The following DGAT2 variants were observed in gnomAD, a reference collection of about 807,000 sequenced individuals.
The protein encoded by DGAT2 is diacylglycerol O-acyltransferase 2.
In DGAT2, 33 loss-of-function variants were observed where a neutral mutation model predicts 48.4. That is an observed-to-expected ratio of 0.68 (90% CI 0.52 to 0.91). The LOEUF (loss-of-function observed/expected upper bound fraction) is 0.91. Ranked by LOEUF, DGAT2 falls within the 40% of genes least tolerant of loss-of-function variation. The pLI, the probability that DGAT2 is intolerant of heterozygous loss-of-function variation, is 0.00. For missense variants in DGAT2, 446 were observed against 493.7 expected (o/e 0.90, Z 0.92); for synonymous variants, 191 against 194.1 (o/e 0.98, Z 0.13).
intron 4 of DGAT2, chr11:75,792,497 C>G (rs1945001584): frequency 6.6e-6 from 1 of 152,104 alleles, no homozygotes; most frequent in South Asian, 2.1e-4. Flanking sequence ...TCCTGTCCCA[C>G]CCCCTTTTCC....
At chr11:75,787,435 C>T (rs1243826664) in intron 2 of DGAT2, among the ~76,000 whole-genome samples, 1 of 152,228 alleles carries the variant, frequency 6.6e-6, no homozygotes, top group Non-Finnish European at 1.5e-5. Context: ...ATTGAGCATC[C>T]ACAGGCTGCC....
At chr11:75,779,215 CCA>C (rs1275499642) in intron 1 of DGAT2, among the ~76,000 whole-genome samples, 1 of 152,162 alleles carries the variant, frequency 6.6e-6, no homozygotes, top group African/African-American at 2.4e-5. Context: ...GGGGTGGAAT[CCA>C]GTCTCACTAG....
intron 1 of DGAT2, among the ~76,000 whole-genome samples, chr11:75,771,356 A>AAAGAAC (rs1944756030): frequency 6.6e-6 from 1 of 152,110 alleles, no homozygotes; most frequent in Non-Finnish European, 1.5e-5. Context: ...CTCTTCGTTC[A>AAAGAAC]GAAGAGCCCT....
intron 1 of DGAT2, among the ~76,000 whole-genome samples, chr11:75,783,464 C>T (rs2135767322): frequency 6.6e-6 from 1 of 152,278 alleles, no homozygotes; most frequent in Admixed American, 6.5e-5. Flanking sequence ...GCCCCTAAAT[C>T]CGTCTTTCTC....
At chr11:75,774,908 C>T (rs1330899957) in intron 1 of DGAT2, among the ~76,000 whole-genome samples, 1 of 152,068 alleles carries the variant, frequency 6.6e-6, no homozygotes, top group East Asian at 1.9e-4. Flanking sequence ...GAAGTGGGCC[C>T]CTGGGGTCCT....
chr11:75,788,246 G>T (rs1339898233), intron 2 of DGAT2, among the ~76,000 whole-genome samples: 2 of 152,188 alleles, frequency 1.3e-5, no homozygotes, highest in Non-Finnish European at 2.9e-5. Context: ...CCCTTTTCAG[G>T]CCCAAGAAAG....
chr11:75,797,113 G>T, intron 5 of DGAT2, 45 bp from the exon 6 acceptor site: 4 of 1,437,280 alleles, frequency 2.8e-6, no homozygotes, highest in Non-Finnish European at 3.7e-6. Context: ...GATGGGGAGT[G>T]GATCCATGGG....
intron 4 of DGAT2, chr11:75,792,621 G>A (rs1253575261): frequency 6.6e-6 from 1 of 152,088 alleles, no homozygotes; most frequent in African/African-American, 2.4e-5. Flanking sequence ...ATCTGGCCCA[G>A]AGTGTATCCC....
chr11:75,790,834 C>T lies in DGAT2; in HGVS notation c.429+103C>T, dbSNP rs545706979. On this transcript the variant is annotated intron_variant, in intron 4 of 7. Coordinates refer to ENST00000228027, the MANE Select transcript of DGAT2 (RefSeq NM_032564.5). ...GGAAGCAAGTTTAGACCAAGTTGGTCTCTTCATTTCCTTTCTACTGTGTCA... is the reference window on the plus strand; with the variant it reads ...GGAAGCAAGTTTAGACCAAGTTGGTTTCTTCATTTCCTTTCTACTGTGTCA... 378 of 1,153,436 alleles carry T rather than the reference C, an allele frequency of 3.3e-4. 2 individuals carry two copies. The African/African-American group carries it at 5.1e-3, about 16-fold the overall frequency. The allele number at this position is 1,153,436 out of a possible 1,614,324, so 71.5% of individuals were successfully genotyped here.
intron 3 of DGAT2, 63 bp downstream of exon 3, chr11:75,790,358 C>G: frequency 7.4e-7 from 1 of 1,344,076 alleles, no homozygotes. Flanking sequence ...CCTGCACAAG[C>G]TGAAGGGCCT....
At chr11:75,779,441 T>G (rs1944837299) in intron 1 of DGAT2, among the ~76,000 whole-genome samples, 1 of 152,196 alleles carries the variant, frequency 6.6e-6, no homozygotes, top group Non-Finnish European at 1.5e-5. Context: ...ATTTTGCCTC[T>G]TTGGGCTTCA....
At chr11:75,798,506 T>C in intron 7 of DGAT2, 77 bp downstream of exon 7, 3 of 1,520,518 alleles carry the variant, frequency 2.0e-6, no homozygotes, top group Non-Finnish European at 2.7e-6. Flanking sequence ...AGAGACGGGA[T>C]TCCAATGCAG....
intron 4 of DGAT2, 83 bp from the exon 5 acceptor site, chr11:75,796,245 C>A (rs1255359103): frequency 1.7e-6 from 2 of 1,209,804 alleles, no homozygotes; most frequent in East Asian, 2.3e-5. Flanking sequence ...GGAAATGACA[C>A]ATCCAATCCC....
chr11:75,775,369 G>T (rs1944794476), intron 1 of DGAT2, among the ~76,000 whole-genome samples: 1 of 152,244 alleles, frequency 6.6e-6, no homozygotes, highest in Non-Finnish European at 1.5e-5. Flanking sequence ...TAGCATAGCT[G>T]TGTGCTGGCT....
intron 1 of DGAT2, 36 bp from the exon 2 acceptor site, chr11:75,784,582 G>C: frequency 6.2e-7 from 1 of 1,611,484 alleles, no homozygotes; most frequent in Non-Finnish European, 8.5e-7. Context: ...CTGGAGAGAA[G>C]GGTGACAGTG....
intron 1 of DGAT2, among the ~76,000 whole-genome samples, chr11:75,773,347 C>T (rs1345775020): frequency 6.6e-6 from 1 of 152,172 alleles, no homozygotes; most frequent in Non-Finnish European, 1.5e-5. Context: ...GAGCCAGTCT[C>T]AATGGTCACC....
At chr11:75,798,762 G>C (rs1945083026) in intron 7 of DGAT2, among the ~76,000 whole-genome samples, 1 of 152,180 alleles carries the variant, frequency 6.6e-6, no homozygotes, top group Non-Finnish European at 1.5e-5. Flanking sequence ...GTGCTCTAGG[G>C]AGTCATAGCG....
chr11:75,796,522 G>A lies in DGAT2; in HGVS notation c.624G>A (p.Leu208=). ...GAATGCCTGTGTTGAGGGAGTACCT[G>A]ATGTCTGGAGGTAAGAATCCACCCC... The part of the protein sequence containing the change: ...NFRMPVLREY[L]MSGGICPVSR... The change falls in exon 5 of 8, where the codon CTG becomes CTA. Residue 208 remains leucine, a synonymous_variant. Coordinates refer to ENST00000228027, the MANE Select transcript of DGAT2 (RefSeq NM_032564.5). 1 of 1,612,310 alleles carries A rather than the reference G, an allele frequency of 6.2e-7. No homozygotes were observed. The highest frequency in any genetic ancestry group is 1.3e-5 in the African/African-American group (1 of 75,012).
intron 6 of DGAT2, among the ~76,000 whole-genome samples, chr11:75,797,830 A>G (rs572206685): frequency 4.7e-4 from 71 of 152,196 alleles, no homozygotes; most frequent in African/African-American, 1.7e-3. Context: ...GGGAGGGTAG[A>G]GGGATGGACA....
Sources: gnomAD v4.1 joint callset for allele counts (sites outside exome capture counted in the v4.1 genomes callset) on GRCh38, gnomAD v4.1.1 for gene constraint, MANE v1.5 for transcripts, NCBI Gene and HGNC (gene_info 2026-07-23, HGNC 2026-07-21) for gene names.